Variants in NUP205 observed in about 807,000 individuals in gnomAD.
The protein encoded by NUP205 is nuclear pore complex protein Nup205.
In NUP205, 76 loss-of-function variants were observed where a neutral mutation model predicts 253.8. That is an observed-to-expected ratio of 0.30 (90% CI 0.25 to 0.36). NUP205 has a LOEUF of 0.36. NUP205 is among the 10% of genes least tolerant of loss of function. The pLI is 1.00. For synonymous variants in NUP205, 832 were observed against 850.1 expected (o/e 0.98, Z 0.37); for missense variants, 2,162 against 2,425.5 (o/e 0.89, Z 2.28).
At chr7:135,616,564 A>G in intron 24 of NUP205, 91 bp from the exon 25 acceptor site, 1 of 689,020 alleles carries the variant, frequency 1.5e-6, no homozygotes, top group Non-Finnish European at 2.3e-6. Flanking sequence ...ATGACCTAGA[A>G]ATAAGATACC....
chr7:135,630,585 T>G (rs1181173472), intron 35 of NUP205, 115 bp downstream of exon 35: 35 of 804,302 alleles, frequency 4.4e-5, no homozygotes, highest in Middle Eastern at 3.1e-4. Context: ...AAATTGGTAC[T>G]GCTAACAGAG....
At position 135,606,136 on chromosome 7, in the gene NUP205, T is replaced by G. The variant is rs1794081273; in HGVS notation, c.2824-9T>G. On this transcript the variant is annotated splice_polypyrimidine_tract_variant and intron_variant, in intron 19 of 42. Coordinates refer to ENST00000285968, the MANE Select transcript of NUP205 (RefSeq NM_015135.3). ...TAATTTGTCATTTTTTACCTTCATG[T>G]TACTTCAGAGTATAAGTCAGAAACT... The G allele has an allele frequency of 6.3e-7, 1 of 1,585,988 alleles. No individual in the cohort carries two copies. The highest frequency in any genetic ancestry group is 2.2e-5 in the East Asian group (1 of 44,640).
intron 38 of NUP205, among the ~76,000 whole-genome samples, chr7:135,640,858 C>A (rs1013444020): frequency 6.6e-6 from 1 of 151,984 alleles, no homozygotes; most frequent in East Asian, 1.9e-4. Flanking sequence ...AAAATAGTTC[C>A]TTTGGCTTAA....
chr7:135,616,628 G>C, intron 24 of NUP205, 27 bp from the exon 25 acceptor site: 2 of 1,353,370 alleles, frequency 1.5e-6, no homozygotes, highest in Admixed American at 4.9e-5. Flanking sequence ...TTCTTTTTCT[G>C]ATTCAATATT....
In NUP205 at chr7:135,573,698, A is replaced by G. The variant is rs1806064989; in HGVS notation, c.216A>G (p.Thr72=). Reference sequence around the variant, plus strand: ...ATGAGAAGGTTCAGAAAGCCAGTACAGAGGGAGTCGCCATTCAGGGTCAAC... The same window carrying G: ...ATGAGAAGGTTCAGAAAGCCAGTACGGAGGGAGTCGCCATTCAGGGTCAAC... ...QQHEKVQKAS[T]EGVAIQGQQG... is the part of the protein sequence containing the mutation. Residue 72 remains threonine (T), a synonymous_variant, in exon 3 of 43, where the codon ACA becomes ACG. Coordinates refer to ENST00000285968, the MANE Select transcript of NUP205 (RefSeq NM_015135.3). 1.2e-6 allele frequency: 2 copies of G among 1,614,052 alleles called. No homozygotes were observed. The highest frequency in any genetic ancestry group is 1.7e-6 in the Non-Finnish European group (2 of 1,179,958).
intron 35 of NUP205, among the ~76,000 whole-genome samples, chr7:135,633,062 C>T (rs1211999280): frequency 6.6e-6 from 1 of 152,024 alleles, no homozygotes; most frequent in African/African-American, 2.4e-5. Context: ...ACCTACCTGG[C>T]TCAAGTGATC....
intron 28 of NUP205, 94 bp from the exon 29 acceptor site, chr7:135,619,329 G>A (rs1224302986): frequency 3.9e-5 from 51 of 1,320,876 alleles, no homozygotes; most frequent in Non-Finnish European, 4.9e-5. Context: ...GTGACAGAGC[G>A]AGACCCTGTC....
At chr7:135,559,902 G>A (rs965313788) in intron 1 of NUP205, among the ~76,000 whole-genome samples, 1 of 149,448 alleles carries the variant, frequency 6.7e-6, no homozygotes, top group Non-Finnish European at 1.5e-5. Flanking sequence ...TCTGTTGCCC[G>A]GGCTGGAGTG....
In NUP205 at chr7:135,570,838, TTA is replaced by T. The variant is rs1489821930; in HGVS notation, c.29-261_29-260del. Reference sequence around the variant, plus strand: ...ATTATATTAATATATAAATTATATATTATATATTACATATATTATATATAAAT... The same window carrying T: ...ATTATATTAATATATAAATTATATATTATATTACATATATTATATATAAAT... On this transcript the variant is annotated intron_variant, in intron 1 of 42. Coordinates refer to ENST00000285968, the MANE Select transcript of NUP205 (RefSeq NM_015135.3). Among the ~76,000 whole-genome samples the T allele has an allele frequency of 5.7e-5, 6 of 105,606 alleles. No homozygotes were observed. In the Admixed American group the frequency reaches 6.6e-4, roughly 12 times the overall value. The allele number at this position is 105,606 out of a possible 152,430, so 69.3% of individuals were successfully genotyped here. A position where few individuals can be genotyped will look rare whatever the true frequency, so the allele number is the denominator to read the frequency against.
chr7:135,617,602 CTTCTTCATAGGG>C lies in NUP205; in HGVS notation c.3697_3708del (p.His1233_Leu1236del). 1 of 1,610,448 alleles carries C rather than the reference CTTCTTCATAGGG, an allele frequency of 6.2e-7. No individual in the cohort carries two copies. The highest frequency in any genetic ancestry group is 8.5e-7 in the Non-Finnish European group (1 of 1,177,048). ...TTTCTTTCTTTTCCTAATTATCCAGCTTCTTCATAGGGTTCTTGTAGCTGAAGTAAATGCCCT... is the reference window on the plus strand; with the variant it reads ...TTTCTTTCTTTTCCTAATTATCCAGCTTCTTGTAGCTGAAGTAAATGCCCT... On this transcript the variant is annotated inframe_deletion and splice_region_variant, in exon 27 of 43. Coordinates refer to ENST00000285968, the MANE Select transcript of NUP205 (RefSeq NM_015135.3).
rs376160286 is a variant in NUP205, at chr7:135,622,620, C to T, written c.4331-157C>T. Among the ~76,000 whole-genome samples the T allele has an allele frequency of 2.8e-4, 42 of 151,182 alleles. No individual in the cohort carries two copies. The East Asian group carries it at 6.0e-3, about 22-fold the overall frequency. ...TTAGAGTTAACCTGCTTGGACCCAC[C>T]GGTCAGTGGGCCTTTGTGTACAAGC... On this transcript the variant is annotated intron_variant, in intron 30 of 42. Transcript: ENST00000285968.
intron 22 of NUP205, among the ~76,000 whole-genome samples, chr7:135,611,976 C>A: frequency 6.6e-6 from 1 of 151,904 alleles, no homozygotes; most frequent in South Asian, 2.1e-4. Context: ...AAATATTAGC[C>A]GGGTATGGTG....
intron 18 of NUP205, among the ~76,000 whole-genome samples, chr7:135,603,280 T>C (rs1280006977): frequency 2.0e-5 from 3 of 151,816 alleles, no homozygotes; most frequent in Non-Finnish European, 4.4e-5. Flanking sequence ...CATGCTCAGC[T>C]ATTTTTGTGT....
chr7:135,594,591 C>A lies in NUP205; in HGVS notation c.1875C>A (p.Thr625=), dbSNP rs2129490352. The A allele has an allele frequency of 6.2e-7, 1 of 1,612,640 alleles. No homozygotes were observed. The highest frequency in any genetic ancestry group is 8.5e-7 in the Non-Finnish European group (1 of 1,179,290). ...RLALCEHPQW[T]PVVVILGLLQ... Reference sequence around the variant, plus strand: ...CACTCTGTGAACACCCTCAGTGGACCCCTGTTGTGGTGATTCTGGGACTCC... The same window carrying A: ...CACTCTGTGAACACCCTCAGTGGACACCTGTTGTGGTGATTCTGGGACTCC... The change falls in exon 13 of 43, where the codon ACC becomes ACA. Residue 625 remains threonine, a synonymous_variant. Transcript: ENST00000285968.
chr7:135,619,943 T>C, intron 30 of NUP205, 55 bp downstream of exon 30: 3 of 1,168,160 alleles, frequency 2.6e-6, no homozygotes, highest in Non-Finnish European at 3.8e-6. Flanking sequence ...TTACTTTAAA[T>C]TGAAAAAAAA....
At chr7:135,603,463 T>G (rs1202225758) in intron 18 of NUP205, among the ~76,000 whole-genome samples, 1 of 151,848 alleles carries the variant, frequency 6.6e-6, no homozygotes, top group Non-Finnish European at 1.5e-5. Flanking sequence ...TACTCTGAAC[T>G]TTACAATTTC....
At chr7:135,614,583 G>T (rs1794312932) in intron 23 of NUP205, among the ~76,000 whole-genome samples, 1 of 152,066 alleles carries the variant, frequency 6.6e-6, no homozygotes, top group Non-Finnish European at 1.5e-5. Context: ...GTTTTACGAA[G>T]ATTTCTGATT....
intron 3 of NUP205, among the ~76,000 whole-genome samples, chr7:135,574,301 G>A (rs1806087968): frequency 6.6e-6 from 1 of 152,172 alleles, no homozygotes; most frequent in Non-Finnish European, 1.5e-5. Flanking sequence ...TTCAGATAAT[G>A]CATGAGTAGG....
intron 10 of NUP205, among the ~76,000 whole-genome samples, chr7:135,589,370 C>T (rs1806561746): frequency 6.6e-6 from 1 of 150,632 alleles, no homozygotes; most frequent in Non-Finnish European, 1.5e-5. Flanking sequence ...ACCCCAACCT[C>T]CTCTGCCTCC....
Sources: allele counts gnomAD v4.1 joint callset (sites outside exome capture counted in the v4.1 genomes callset), GRCh38; gene constraint gnomAD v4.1.1; transcripts MANE v1.5; gene names NCBI Gene and HGNC (gene_info 2026-07-23, HGNC 2026-07-21).